EPHX3: variants seen among roughly 807,000 people sequenced by gnomAD.
EPHX3 encodes epoxide hydrolase 3.
A neutral mutation model predicts 40.2 loss-of-function variants in EPHX3; 39 were observed. The observed-to-expected ratio is 0.97, with a 90% CI of 0.75 to 1.27. The LOEUF (loss-of-function observed/expected upper bound fraction) is 1.27, where lower values mean the gene tolerates loss of function less well. Among genes scored for constraint, EPHX3 ranks in the 50% most tolerant of loss-of-function variants. The pLI, the probability that EPHX3 is intolerant of heterozygous loss-of-function variation, is 0.00. For missense variants in EPHX3, 442 were observed against 474.0 expected, an observed-to-expected ratio of 0.93 and a Z score of 0.63; for synonymous variants, 213 against 209.7, an observed-to-expected ratio of 1.02 and a Z score of -0.14.
intron 6 of EPHX3, 25 bp downstream of exon 6, chr19:15,227,746 G>A: frequency 6.2e-7 from 1 of 1,612,928 alleles, no homozygotes; most frequent in Non-Finnish European, 8.5e-7. Flanking sequence ...AATCTCCTGA[G>A]CTTATGCTTG....
rs2047162095 is a variant in EPHX3, at chr19:15,232,313, G to T, written c.-102C>A. On this transcript the variant is annotated 5_prime_UTR_variant, in exon 1 of 7. Coordinates refer to ENST00000221730, the MANE Select transcript of EPHX3 (RefSeq NM_024794.3). ...AGGGGCCCATCGCCCTTGGCCTGGG[G>T]CCCCTCCGTGCCGTCGGGATTTGTG... 3.6e-6 allele frequency: 5 copies of T among 1,381,858 alleles called. No individual in the cohort carries two copies. The highest frequency in any genetic ancestry group is 4.6e-6 in the Non-Finnish European group (5 of 1,078,278). 85.6% of individuals were successfully genotyped at this position (1,381,858 alleles called of 1,614,324 possible).
chr19:15,229,459 G>A (rs1047102148), intron 4 of EPHX3, among the ~76,000 whole-genome samples: 16 of 151,892 alleles, frequency 1.1e-4, no homozygotes, highest in Admixed American at 6.6e-4. Flanking sequence ...ATAATTAGCC[G>A]GTCATGGTGG....
At position 15,229,265 on chromosome 19, in the gene EPHX3, C is replaced by T. The variant is rs188992710; in HGVS notation, c.617-1165G>A. ...CGTGTTGGGGCATATCTGCAGTCCC[C>T]GCTACTCTGGAGGCTGAGGAAGGAG... On this transcript the variant is annotated intron_variant, in intron 4 of 6. Coordinates refer to ENST00000221730, the MANE Select transcript of EPHX3 (RefSeq NM_024794.3). 5.5e-3 allele frequency among the ~76,000 whole-genome samples: 838 copies of T among 151,958 alleles called. 4 individuals carry two copies. The highest frequency in any genetic ancestry group is 8.2e-3 in the Non-Finnish European group (555 of 67,948).
At chr19:15,230,753 G>A (rs368335891) in intron 4 of EPHX3, among the ~76,000 whole-genome samples, 8 of 150,326 alleles carry the variant, frequency 5.3e-5, no homozygotes, top group East Asian at 2.0e-4. Context: ...TCAGCCTCCC[G>A]GAGGGCTGGG....
In EPHX3 at chr19:15,227,255, G is replaced by T; in HGVS notation, c.*182C>A. ...CATCCATGCCTGTGTGTGAGTATAG[G>T]GGTTGGTGTGTCCCGAGGCACCCAT... On this transcript the variant is annotated 3_prime_UTR_variant, in exon 7 of 7. Transcript: ENST00000221730. 3.3e-6 allele frequency: 2 copies of T among 608,950 alleles called. No homozygotes were observed. The highest frequency in any genetic ancestry group is 5.9e-6 in the Non-Finnish European group (2 of 340,788). The allele number at this position is 608,950 out of a possible 1,614,324, so 37.7% of individuals were successfully genotyped here.
chr19:15,232,548 G>A (rs1230340723), upstream of EPHX3: 4 of 724,128 alleles, frequency 5.5e-6, no homozygotes, highest in East Asian at 1.2e-4. Context: ...GCGGGGCCCA[G>A]GAAGACTCAG....
chr19:15,235,453 C>T (rs1599424933), upstream of EPHX3: 1 of 151,866 alleles, frequency 6.6e-6, no homozygotes, highest in South Asian at 2.1e-4. Context: ...ATCACTGACC[C>T]CCCGCCCTCA....
At chr19:15,232,896 A>AT (rs2047165626), upstream of EPHX3, 1 of 150,192 alleles carries the variant, frequency 6.7e-6, no homozygotes, top group Non-Finnish European at 1.5e-5. Flanking sequence ...AAAAAAAAAA[A>AT]GGCAATTCCG....
chr19:15,234,046 C>T (rs1321088111), upstream of EPHX3, among the ~76,000 whole-genome samples: 1 of 148,252 alleles, frequency 6.7e-6, no homozygotes, highest in Non-Finnish European at 1.5e-5. Flanking sequence ...GGCGACAGAG[C>T]GAGACTCCGT....
Position 15,231,493 on chromosome 19 carries a change from C to T in EPHX3, c.330-97G>A, listed in dbSNP as rs961641803. ...AACCATTGGCAAACCCTCCTTCCTG[C>T]TCTAAACTTCCCCTAAAAGGAGGAT... On this transcript the variant is annotated intron_variant, in intron 2 of 6. Coordinates refer to ENST00000221730, the MANE Select transcript of EPHX3 (RefSeq NM_024794.3). 2.0e-5 allele frequency: 28 copies of T among 1,435,008 alleles called. No individual in the cohort carries two copies. The Admixed American group carries it at 6.0e-4, about 31-fold the overall frequency. The allele number at this position is 1,435,008 out of a possible 1,614,324, so 88.9% of individuals were successfully genotyped here.
intron 4 of EPHX3, among the ~76,000 whole-genome samples, chr19:15,229,852 A>G (rs2047140234): frequency 7.6e-6 from 1 of 131,232 alleles, no homozygotes; most frequent in Admixed American, 8.7e-5. Context: ...ACGCCACTGC[A>G]CTCCAGCCTG....
Position 15,232,229 on chromosome 19 carries a change from C to T in EPHX3, c.-18G>A. 1 of 1,478,796 alleles carries T rather than the reference C, an allele frequency of 6.8e-7. No individual in the cohort carries two copies. Among genetic ancestry groups the T allele is most frequent in the African/African-American group, 1.5e-5 (1 of 67,602 alleles). The allele number at this position is 1,478,796 out of a possible 1,614,324, so 91.6% of individuals were successfully genotyped here. On this transcript the variant is annotated 5_prime_UTR_variant, in exon 1 of 7. Transcript: ENST00000221730. ...TCCGGCATGTCGCCGCGCTCCGGGA[C>T]CACGGCGGCGCTGCCGGCCAGGGGC...
At chr19:15,236,587 G>C (rs969230912), upstream of EPHX3, 1 of 154,460 alleles carries the variant, frequency 6.5e-6, no homozygotes, top group Non-Finnish European at 1.4e-5. Context: ...GGTTCTGCTA[G>C]AGCACACCCT....
At position 15,231,717 on chromosome 19, in the gene EPHX3, G is replaced by T; in HGVS notation, c.329+59C>A. 5 of 1,562,042 alleles carry T rather than the reference G, an allele frequency of 3.2e-6. No individual in the cohort carries two copies. In the South Asian group the frequency reaches 3.3e-5, roughly 10 times the overall value. On this transcript the variant is annotated intron_variant, in intron 2 of 6. Coordinates refer to ENST00000221730, the MANE Select transcript of EPHX3 (RefSeq NM_024794.3). ...CAGCCCTCCTCCCTGCCTCTTGGGA[G>T]CCCAAGCTCCACCTGCCCCCGAGTC...
chr19:15,230,926 T>G (rs1218230110), intron 4 of EPHX3, 36 bp downstream of exon 4: 2 of 1,609,066 alleles, frequency 1.2e-6, no homozygotes, highest in Admixed American at 1.7e-5. Context: ...CCCTTGCACA[T>G]AAGTACATCC....
At chr19:15,229,870 A>G (rs1246143286) in intron 4 of EPHX3, among the ~76,000 whole-genome samples, 7 of 115,804 alleles carry the variant, frequency 6.0e-5, no homozygotes, top group Non-Finnish European at 1.2e-4. Flanking sequence ...CTGGCGACAG[A>G]GCAAGACTCT....
rs375411371 is a variant in EPHX3, at chr19:15,228,700, T to C, written c.617-600A>G. ...GTCCGGCTAATTTTTTTTGTATTTT[T>C]AGTAGAGACAGGGTTTCACAGTGTT... On this transcript the variant is annotated intron_variant, in intron 4 of 6. Coordinates refer to ENST00000221730, the MANE Select transcript of EPHX3 (RefSeq NM_024794.3). Among the ~76,000 whole-genome samples, 8 of 151,570 alleles carry C rather than the reference T, an allele frequency of 5.3e-5. No homozygotes were observed. The East Asian group carries it at 9.7e-4, about 18-fold the overall frequency.
chr19:15,231,747 G>C (rs772764049), intron 2 of EPHX3, 29 bp downstream of exon 2: 3 of 1,611,562 alleles, frequency 1.9e-6, no homozygotes, highest in Non-Finnish European at 2.5e-6. Context: ...CGAGTCCCGT[G>C]GGCCTCAGGC....
upstream of EPHX3, chr19:15,232,500 C>T (rs2047163232): frequency 3.4e-6 from 4 of 1,172,666 alleles, no homozygotes; most frequent in East Asian, 7.7e-5. Flanking sequence ...AATAAATGGG[C>T]GGGGCCTAGC....
Sources: allele counts gnomAD v4.1 joint callset (sites outside exome capture counted in the v4.1 genomes callset), GRCh38; gene constraint gnomAD v4.1.1; transcripts MANE v1.5; gene names NCBI Gene and HGNC (gene_info 2026-07-23, HGNC 2026-07-21).